HERC1: variants seen among roughly 807,000 people sequenced by gnomAD.
HERC1 encodes HECT and RLD domain containing E3 ubiquitin protein ligase family member 1.
HERC1 carries 160 observed loss-of-function variants against 554.3 expected under a neutral mutation model. The ratio of observed to expected loss-of-function variants is 0.29; its 90% CI spans 0.25 to 0.33. HERC1 has a LOEUF of 0.33. HERC1 is among the 10% of genes least tolerant of loss of function. The pLI is 1.00. For missense variants in HERC1, 4,919 were observed against 5,918.5 expected (o/e 0.83, Z 5.54); for synonymous variants, 2,175 against 2,131.7 (o/e 1.02, Z -0.56).
chr15:63,733,173 A>G, intron 13 of HERC1, 28 bp from the exon 14 acceptor site: 1 of 1,455,114 alleles, frequency 6.9e-7, no homozygotes, highest in Non-Finnish European at 9.7e-7. Flanking sequence ...AGGAACAAGT[A>G]ACTAGCGTAA....
Position 63,640,168 on chromosome 15 carries a change from T to C in HERC1, c.11885A>G (p.Glu3962Gly). The C allele has an allele frequency of 6.2e-7, 1 of 1,613,786 alleles. No individual in the cohort carries two copies. Among genetic ancestry groups the C allele is most frequent in the Non-Finnish European group, 8.5e-7 (1 of 1,179,742 alleles). The change falls in exon 61 of 78, where the codon GAA becomes GGA. Residue 3962 changes from glutamate (E) to glycine (G), a missense_variant. Around this residue, in one of 11 missense-constraint regions of HERC1, gnomAD observed 1,963 missense variants for 2,228.6 expected, o/e 0.88. Coordinates refer to ENST00000443617, the MANE Select transcript of HERC1 (RefSeq NM_003922.4). The part of the protein sequence containing the change: ...VPDLEPVPED[E>G]LVFLMDNSKW... Reference sequence around the variant, plus strand: ...TACATTTACCATTAGAAATACAAGTTCATCCTCTGGAACAGGTTCTAGATC... The same window carrying C: ...TACATTTACCATTAGAAATACAAGTCCATCCTCTGGAACAGGTTCTAGATC...
chr15:63,744,164 G>GTGTCTC, intron 12 of HERC1, among the ~76,000 whole-genome samples: 22 of 46,296 alleles, frequency 4.8e-4, no homozygotes, highest in South Asian at 1.3e-3. Flanking sequence ...GTGTGTGTGT[G>GTGTCTC]TCTCTCTCTC....
At chr15:63,658,914 A>G (rs1346942425) in intron 47 of HERC1, among the ~76,000 whole-genome samples, 196 bp from the exon 48 acceptor site, 1 of 152,196 alleles carries the variant, frequency 6.6e-6, no homozygotes, top group Non-Finnish European at 1.5e-5. Flanking sequence ...TCTAACTTAG[A>G]TATTTCTATG....
intron 54 of HERC1, among the ~76,000 whole-genome samples, chr15:63,649,225 T>TG (rs1555409834): frequency 6.6e-6 from 1 of 151,984 alleles, no homozygotes; most frequent in Non-Finnish European, 1.5e-5. Flanking sequence ...TGGTGGCGAG[T>TG]GCCTGTAATC....
intron 76 of HERC1, among the ~76,000 whole-genome samples, 186 bp downstream of exon 76, chr15:63,615,582 C>G (rs1212392833): frequency 2.0e-5 from 3 of 152,168 alleles, no homozygotes; most frequent in African/African-American, 4.8e-5. Context: ...TGCACTCCAG[C>G]CTAGGCGACA....
intron 1 of HERC1, among the ~76,000 whole-genome samples, chr15:63,789,813 T>C (rs1351416634): frequency 1.3e-5 from 2 of 149,416 alleles, no homozygotes; most frequent in Non-Finnish European, 3.0e-5. Flanking sequence ...AATAAATAAA[T>C]AAATAAATAA....
At chr15:63,711,335 C>G (rs1318332672) in intron 24 of HERC1, among the ~76,000 whole-genome samples, 7 of 151,910 alleles carry the variant, frequency 4.6e-5, no homozygotes, top group Admixed American at 4.6e-4. Context: ...GAAATTATCA[C>G]AGAGTTAGGA....
At chr15:63,821,910 T>C (rs558144370) in intron 1 of HERC1, among the ~76,000 whole-genome samples, 1 of 151,984 alleles carries the variant, frequency 6.6e-6, no homozygotes, top group African/African-American at 2.4e-5. Context: ...GGAAGACAAA[T>C]AATAACCAGG....
intron 48 of HERC1, among the ~76,000 whole-genome samples, chr15:63,656,876 G>A (rs558067142): frequency 2.0e-5 from 3 of 152,306 alleles, no homozygotes; most frequent in African/African-American, 7.2e-5. Flanking sequence ...AAATCTTGTA[G>A]CATTGAGCAG....
chr15:63,721,363 TA>T (rs1458364663), intron 19 of HERC1, among the ~76,000 whole-genome samples: 1 of 151,978 alleles, frequency 6.6e-6, no homozygotes, highest in Non-Finnish European at 1.5e-5. Flanking sequence ...CCATCTCTAC[TA>T]AAAATACAAA....
chr15:63,777,048 C>T (rs2076139181), intron 1 of HERC1, among the ~76,000 whole-genome samples: 2 of 152,132 alleles, frequency 1.3e-5, no homozygotes, highest in Non-Finnish European at 1.5e-5. Flanking sequence ...GTCTCTCAAG[C>T]AAGTCCTCAG....
intron 1 of HERC1, among the ~76,000 whole-genome samples, chr15:63,816,203 T>C (rs1290064029): frequency 6.6e-6 from 1 of 152,228 alleles, no homozygotes; most frequent in East Asian, 1.9e-4. Context: ...ACTAATTTAA[T>C]GTTAAACAGG....
intron 70 of HERC1, among the ~76,000 whole-genome samples, chr15:63,627,185 A>C (rs1258834566): frequency 6.6e-6 from 1 of 152,124 alleles, no homozygotes; most frequent in Non-Finnish European, 1.5e-5. Context: ...TTTGGCATCT[A>C]CCTGGAATTC....
chr15:63,709,256 C>CA (rs769487082), intron 24 of HERC1, among the ~76,000 whole-genome samples: 9 of 152,108 alleles, frequency 5.9e-5, no homozygotes, highest in Non-Finnish European at 1.2e-4. Flanking sequence ...GCAATCCTCC[C>CA]ACCTCAGCCT....
At chr15:63,833,333 C>A (rs985839547) in intron 1 of HERC1, among the ~76,000 whole-genome samples, 1 of 152,240 alleles carries the variant, frequency 6.6e-6, no homozygotes, top group Non-Finnish European at 1.5e-5. Flanking sequence ...CCAGCCTCCA[C>A]CCCGCTAAAG....
intron 22 of HERC1, 173 bp from the exon 23 acceptor site, chr15:63,713,838 A>T: frequency 1.9e-6 from 1 of 533,376 alleles, no homozygotes; most frequent in Non-Finnish European, 3.3e-6. Flanking sequence ...CATTTAAAAT[A>T]TACTAAAATA....
intron 1 of HERC1, among the ~76,000 whole-genome samples, chr15:63,794,274 G>C (rs776957849): frequency 6.6e-6 from 1 of 151,816 alleles, no homozygotes; most frequent in African/African-American, 2.4e-5. Context: ...CTATAGACTC[G>C]CCCTGAATTC....
At chr15:63,806,982 G>C (rs1251671942) in intron 1 of HERC1, among the ~76,000 whole-genome samples, 2 of 152,126 alleles carry the variant, frequency 1.3e-5, no homozygotes, top group Non-Finnish European at 2.9e-5. Context: ...TCCTGACCTG[G>C]TGATCCACCC....
At position 63,616,665 on chromosome 15, in the gene HERC1, G is replaced by A; in HGVS notation, c.13706C>T (p.Ser4569Phe). The A allele has an allele frequency of 6.2e-7, 1 of 1,613,620 alleles. No individual in the cohort carries two copies. The highest frequency in any genetic ancestry group is 8.5e-7 in the Non-Finnish European group (1 of 1,179,744). The stretch of plus-strand genomic sequence containing the variant: ...CATTAAGTGTTCATCGAGGCAGGCA[G>A]AAGGGTTAAAAAGGAACCTGTAAAA... ...YNRDRFLFNP[S>F]ACLDEHLMQF... Residue 4569 changes from serine to phenylalanine, a missense_variant, in exon 75 of 78, where the codon TCT becomes TTT. By Grantham distance (155) the Ser-to-Phe change is radical. Around this residue, in one of 11 missense-constraint regions of HERC1, gnomAD observed 284 missense variants for 294.1 expected, o/e 0.97. Transcript: ENST00000443617.
Sources: gnomAD v4.1 joint callset for allele counts (sites outside exome capture counted in the v4.1 genomes callset) on GRCh38, gnomAD v4.1.1 for gene constraint, gnomAD v4.1.1 regional missense constraint, MANE v1.5 for transcripts, NCBI Gene and HGNC (gene_info 2026-07-23, HGNC 2026-07-21) for gene names.